COL22A1: variants seen among roughly 807,000 people sequenced by gnomAD.
COL22A1 encodes the protein collagen type XXII alpha 1 chain, also known as collagen alpha-1(XXII) chain.
COL22A1 carries 221 observed loss-of-function variants against 248.9 expected under a neutral mutation model. The observed-to-expected ratio is 0.89, with a 90% CI of 0.80 to 0.99. COL22A1 has a LOEUF of 0.99. Ranked by LOEUF, COL22A1 falls within the 50% of genes least tolerant of loss-of-function variation. The pLI is 0.00. For missense variants in COL22A1, 2,240 were observed against 2,179.0 expected (o/e 1.03, Z -0.56); for synonymous variants, 891 against 793.4 (o/e 1.12, Z -2.07).
At chr8:138,771,181 G>A (rs762294383) in intron 16 of COL22A1, among the ~76,000 whole-genome samples, 24 of 152,346 alleles carry the variant, frequency 1.6e-4, no homozygotes, top group South Asian at 4.1e-4. Flanking sequence ...TGATGGGGGC[G>A]TGGCTGAGGT....
At chr8:138,755,431 T>C in intron 20 of COL22A1, 51 bp downstream of exon 20, 1 of 1,584,238 alleles carries the variant, frequency 6.3e-7, no homozygotes, top group Non-Finnish European at 8.7e-7. Flanking sequence ...GGCTTTTCTG[T>C]TTCTGCTGTG....
chr8:138,762,344 TG>T, intron 17 of COL22A1, 68 bp downstream of exon 17: 1 of 1,487,570 alleles, frequency 6.7e-7, no homozygotes, highest in Non-Finnish European at 9.4e-7. Context: ...GAGCTTTATG[TG>T]GGGTCTGGTC....
At chr8:138,815,915 C>T (rs1818646935) in intron 7 of COL22A1, among the ~76,000 whole-genome samples, 1 of 152,288 alleles carries the variant, frequency 6.6e-6, no homozygotes, top group South Asian at 2.1e-4. Context: ...TCGGGAGTCC[C>T]TCTGCACACT....
intron 64 of COL22A1, 85 bp downstream of exon 64, chr8:138,591,339 C>T: frequency 1.1e-6 from 1 of 924,580 alleles, no homozygotes; most frequent in Non-Finnish European, 1.6e-6. Flanking sequence ...CCGCTCACTG[C>T]TGAGTCCTGT....
At chr8:138,650,749 T>C (rs980492929) in intron 45 of COL22A1, among the ~76,000 whole-genome samples, 8 of 152,132 alleles carry the variant, frequency 5.3e-5, no homozygotes, top group South Asian at 2.1e-4. Context: ...TACATATAGA[T>C]AGATAATGCC....
Position 138,657,157 on chromosome 8 carries a change from C to T in COL22A1, c.3286-1213G>A, listed in dbSNP as rs144836344. 5.4e-4 allele frequency among the ~76,000 whole-genome samples: 83 copies of T among 152,308 alleles called. 2 individuals carry two copies. The highest frequency in any genetic ancestry group is 1.9e-3 in the African/African-American group (78 of 41,548). On this transcript the variant is annotated intron_variant, in intron 44 of 64. Coordinates refer to ENST00000303045, the MANE Select transcript of COL22A1 (RefSeq NM_152888.3). Reference sequence around the variant, plus strand: ...GATTGCAGGTGCTCAAGGAATTATCCGCACTGCAGTGAAAGCTCACTTAGG... The same window carrying T: ...GATTGCAGGTGCTCAAGGAATTATCTGCACTGCAGTGAAAGCTCACTTAGG...
chr8:138,819,358 A>C (rs1261583234), intron 7 of COL22A1, among the ~76,000 whole-genome samples: 1 of 152,052 alleles, frequency 6.6e-6, no homozygotes, highest in Non-Finnish European at 1.5e-5. Context: ...CATAGTAGTA[A>C]AACAGGCAAA....
intron 45 of COL22A1, 149 bp downstream of exon 45, chr8:138,655,748 G>C: frequency 1.3e-6 from 1 of 751,630 alleles, no homozygotes; most frequent in East Asian, 2.4e-5. Flanking sequence ...CACATCACCA[G>C]CCACATGCTG....
intron 9 of COL22A1, among the ~76,000 whole-genome samples, chr8:138,809,867 T>C (rs888353345): frequency 6.6e-6 from 1 of 152,198 alleles, no homozygotes; most frequent in Non-Finnish European, 1.5e-5. Context: ...GATTGACTTA[T>C]ATATCAACTC....
At chr8:138,590,187 T>G (rs1487532895) in intron 64 of COL22A1, among the ~76,000 whole-genome samples, 4 of 152,218 alleles carry the variant, frequency 2.6e-5, no homozygotes, top group Non-Finnish European at 5.9e-5. Flanking sequence ...TTAACCCTAG[T>G]AGTGACATCC....
At chr8:138,835,698 G>C (rs375384825) in intron 4 of COL22A1, among the ~76,000 whole-genome samples, 9 of 152,312 alleles carry the variant, frequency 5.9e-5, no homozygotes, top group Admixed American at 6.5e-5. Flanking sequence ...GTGTGGGGGA[G>C]AGAACACCCA....
At chr8:138,904,667 A>G (rs956446238) in intron 1 of COL22A1, among the ~76,000 whole-genome samples, 1 of 152,032 alleles carries the variant, frequency 6.6e-6, no homozygotes, top group Admixed American at 6.6e-5. Context: ...TCATTTCACA[A>G]GAAATTGTCT....
intron 2 of COL22A1, among the ~76,000 whole-genome samples, chr8:138,882,246 C>G (rs2132065391): frequency 6.6e-6 from 1 of 152,130 alleles, no homozygotes; most frequent in South Asian, 2.1e-4. Flanking sequence ...GCTCTCTCCT[C>G]CTCTCGCAGG....
chr8:138,642,159 G>C (rs1013689405), intron 47 of COL22A1, among the ~76,000 whole-genome samples: 2 of 152,206 alleles, frequency 1.3e-5, no homozygotes, highest in African/African-American at 4.8e-5. Context: ...GGGTGCTGGT[G>C]TTGGTATCAG....
chr8:138,846,481 T>C (rs1432307034), intron 3 of COL22A1, among the ~76,000 whole-genome samples: 2 of 152,200 alleles, frequency 1.3e-5, no homozygotes, highest in South Asian at 2.1e-4. Context: ...GAAATCTTTC[T>C]CAAAACAACC....
chr8:138,840,738 G>A (rs1009880634), intron 4 of COL22A1, among the ~76,000 whole-genome samples: 1 of 151,894 alleles, frequency 6.6e-6, no homozygotes, highest in African/African-American at 2.4e-5. Flanking sequence ...GTATTTTTTG[G>A]TAGAGATGGG....
intron 1 of COL22A1, among the ~76,000 whole-genome samples, chr8:138,902,787 A>ACACAC (rs1563907595): frequency 2.9e-4 from 28 of 95,688 alleles, no homozygotes; most frequent in African/African-American, 1.1e-3. Flanking sequence ...CACACACACT[A>ACACAC]GAACTGACTG....
At chr8:138,721,667 C>T (rs889321644) in intron 26 of COL22A1, among the ~76,000 whole-genome samples, 2 of 152,184 alleles carry the variant, frequency 1.3e-5, no homozygotes, top group African/African-American at 4.8e-5. Context: ...AATCATAGCT[C>T]ACTGCAGCCT....
At chr8:138,700,854 G>A (rs940469761) in intron 31 of COL22A1, among the ~76,000 whole-genome samples, 14 of 151,978 alleles carry the variant, frequency 9.2e-5, no homozygotes, top group African/African-American at 2.7e-4. Flanking sequence ...GCGTGATGCC[G>A]GGTGCCTGTA....
Sources: gnomAD v4.1 joint callset for allele counts (sites outside exome capture counted in the v4.1 genomes callset) on GRCh38, gnomAD v4.1.1 for gene constraint, MANE v1.5 for transcripts, NCBI Gene and HGNC (gene_info 2026-07-23, HGNC 2026-07-21) for gene names.